The following PHF3 variants were observed in gnomAD, a reference collection of about 807,000 sequenced individuals.
PHF3 encodes the protein PHD finger protein 3.
PHF3 carries 41 observed loss-of-function variants against 178.4 expected under a neutral mutation model. The observed-to-expected ratio is 0.23, with a 90% CI of 0.18 to 0.30. PHF3 has a LOEUF of 0.30. PHF3 is among the 10% of genes least tolerant of loss of function. The probability of loss-of-function intolerance (pLI) is 1.00; values close to 1 mark genes in which losing one functional copy is unlikely to be tolerated. For synonymous variants in PHF3, 842 were observed against 800.5 expected (o/e 1.05, Z -0.88); for missense variants, 2,346 against 2,398.1 (o/e 0.98, Z 0.45).
intron 2 of PHF3, among the ~76,000 whole-genome samples, chr6:63,665,012 T>G (rs1043111447): frequency 3.3e-5 from 5 of 152,166 alleles, no homozygotes; most frequent in Non-Finnish European, 7.4e-5. Flanking sequence ...CATTAAATAA[T>G]TATTACTATA....
chr6:63,706,549 T>A (rs898537122), intron 12 of PHF3, among the ~76,000 whole-genome samples, 180 bp from the exon 13 acceptor site: 4 of 152,306 alleles, frequency 2.6e-5, no homozygotes, highest in East Asian at 3.9e-4. Flanking sequence ...AGAGGGAAGA[T>A]TTTGTAAAAC....
intron 2 of PHF3, among the ~76,000 whole-genome samples, chr6:63,663,319 T>C (rs1765546146): frequency 6.6e-6 from 1 of 152,174 alleles, no homozygotes; most frequent in Admixed American, 6.6e-5. Context: ...GGCCCTATCC[T>C]TGGTTCGCCT....
At position 63,713,245 on chromosome 6, in the gene PHF3, A is replaced by C; in HGVS notation, c.5657A>C (p.Gln1886Pro). ...TATATAGGCCCGCAGAATTTTTACC[A>C]GGTTAAAGACATTCGGAGGCCAGAA... is the stretch of plus-strand genomic sequence containing the variant. ...SRYIGPQNFY[Q>P]VKDIRRPERR... is the part of the protein sequence containing the mutation. The change falls in exon 16 of 16, where the codon CAG becomes CCG. Residue 1886 changes from glutamine to proline, a missense_variant. Coordinates refer to ENST00000262043, the MANE Select transcript of PHF3 (RefSeq NM_001370348.2). 1 of 1,614,052 alleles carries C rather than the reference A, an allele frequency of 6.2e-7. No homozygotes were observed. The highest frequency in any genetic ancestry group is 2.2e-5 in the East Asian group (1 of 44,866).
chr6:63,656,477 A>G (rs1765239850), intron 2 of PHF3, among the ~76,000 whole-genome samples: 1 of 152,088 alleles, frequency 6.6e-6, no homozygotes, highest in African/African-American at 2.4e-5. Flanking sequence ...GTGTGTTTGT[A>G]TGTGTGTTTG....
At chr6:63,680,233 T>C in intron 3 of PHF3, 72 bp downstream of exon 3, 1 of 1,236,714 alleles carries the variant, frequency 8.1e-7, no homozygotes, top group Non-Finnish European at 1.1e-6. Context: ...ATAAACCTGC[T>C]GAGCAGAAAT....
At position 63,715,576 on chromosome 6, in the gene PHF3, T is replaced by C. The variant is rs901902748; in HGVS notation, c.*1868T>C. ...GAATGAAAACAAGCTTTTAGGTCAG[T>C]TTTTGATCACCTCTTCGCTAATAGT... On this transcript the variant is annotated 3_prime_UTR_variant, in exon 16 of 16. Transcript: ENST00000262043. 1 of 152,138 alleles carries C rather than the reference T, an allele frequency of 6.6e-6. No individual in the cohort carries two copies. The highest frequency in any genetic ancestry group is 2.4e-5 in the African/African-American group (1 of 41,446). The allele number at this position is 152,138 out of a possible 1,614,324, so 9.4% of individuals were successfully genotyped here.
chr6:63,720,826 C>G lies in PHF3; in HGVS notation c.*7118C>G. The G allele has an allele frequency of 6.4e-7, 1 of 1,551,128 alleles. No homozygotes were observed. The highest frequency in any genetic ancestry group is 8.7e-7 in the Non-Finnish European group (1 of 1,146,648). ...ACAAAGTTTTTATGTGGATCAATATCCTCGGAAAGAATTAGACTGTTATTT... is the reference window on the plus strand; with the variant it reads ...ACAAAGTTTTTATGTGGATCAATATGCTCGGAAAGAATTAGACTGTTATTT... On this transcript the variant is annotated 3_prime_UTR_variant, in exon 16 of 16. Transcript: ENST00000262043.
At chr6:63,707,863 G>GTTTTTC (rs1767761456) in intron 13 of PHF3, among the ~76,000 whole-genome samples, 1 of 151,414 alleles carries the variant, frequency 6.6e-6, no homozygotes, top group African/African-American at 2.4e-5. Context: ...TTTTGTTTTT[G>GTTTTTC]TTTTTGTTTT....
At chr6:63,653,819 G>A (rs935399483) in intron 2 of PHF3, among the ~76,000 whole-genome samples, 1 of 151,994 alleles carries the variant, frequency 6.6e-6, no homozygotes, top group African/African-American at 2.4e-5. Context: ...TACCTAACTT[G>A]TTGAGAGTTT....
In PHF3 at chr6:63,720,545, T is replaced by C. The variant is rs2149623247; in HGVS notation, c.*6837T>C. 1.5e-6 allele frequency: 2 copies of C among 1,315,564 alleles called. No homozygotes were observed. Among genetic ancestry groups the C allele is most frequent in the Non-Finnish European group, 1.0e-6 (1 of 984,004 alleles). The allele number at this position is 1,315,564 out of a possible 1,614,324, so 81.5% of individuals were successfully genotyped here. Reference sequence around the variant, plus strand: ...AAGCAATGTATCAAAGAAATAACTATCAAAATAACTGCATTTATGTATAGT... The same window carrying C: ...AAGCAATGTATCAAAGAAATAACTACCAAAATAACTGCATTTATGTATAGT... On this transcript the variant is annotated 3_prime_UTR_variant, in exon 16 of 16. Transcript: ENST00000262043.
intron 1 of PHF3, among the ~76,000 whole-genome samples, chr6:63,643,114 C>T (rs573712005): frequency 3.3e-5 from 5 of 151,274 alleles, no homozygotes; most frequent in South Asian, 2.1e-4. Flanking sequence ...CTGATTTTAC[C>T]GGTTTTTTTT....
In PHF3 at chr6:63,713,260, G is replaced by A. The variant is rs1341703095; in HGVS notation, c.5672G>A (p.Arg1891Gln). ...PQNFYQVKDI[R>Q]RPERRHSDPW... Reference sequence around the variant, plus strand: ...AATTTTTACCAGGTTAAAGACATTCGGAGGCCAGAAAGGCGCCATAGTGAC... The same window carrying A: ...AATTTTTACCAGGTTAAAGACATTCAGAGGCCAGAAAGGCGCCATAGTGAC... The change falls in exon 16 of 16, where the codon CGG becomes CAG. Residue 1891 changes from arginine to glutamine, a missense_variant. Physicochemically the swap from Arg to Gln is conservative, Grantham distance 43. Coordinates refer to ENST00000262043, the MANE Select transcript of PHF3 (RefSeq NM_001370348.2). 2.5e-6 allele frequency: 4 copies of A among 1,613,856 alleles called. No individual in the cohort carries two copies. Among genetic ancestry groups the A allele is most frequent in the African/African-American group, 2.7e-5 (2 of 74,854 alleles).
At position 63,707,126 on chromosome 6, in the gene PHF3, T is replaced by C. The variant is rs939860117; in HGVS notation, c.3711+250T>C. ...TGTACTGCCTCACTGTGTCAGATAA[T>C]TCAAAATCAATGAGAGTCTACATGG... On this transcript the variant is annotated intron_variant, in intron 13 of 15. Coordinates refer to ENST00000262043, the MANE Select transcript of PHF3 (RefSeq NM_001370348.2). Among the ~76,000 whole-genome samples the C allele has an allele frequency of 1.2e-4, 19 of 152,244 alleles. 1 individual carries two copies. The highest frequency in any genetic ancestry group is 5.9e-4 in the Admixed American group (9 of 15,288).
chr6:63,637,824 T>C (rs1318254281), intron 1 of PHF3, among the ~76,000 whole-genome samples: 1 of 152,240 alleles, frequency 6.6e-6, no homozygotes, highest in African/African-American at 2.4e-5. Context: ...CTTTTTCAGA[T>C]AGCTGTACTC....
At chr6:63,682,888 A>C (rs1215123872) in intron 3 of PHF3, among the ~76,000 whole-genome samples, 1 of 152,058 alleles carries the variant, frequency 6.6e-6, no homozygotes, top group Non-Finnish European at 1.5e-5. Flanking sequence ...AAGTGTTAAA[A>C]TCCTTCATTT....
chr6:63,655,088 A>G (rs1765178114), intron 2 of PHF3, among the ~76,000 whole-genome samples: 1 of 151,222 alleles, frequency 6.6e-6, no homozygotes, highest in African/African-American at 2.4e-5. Flanking sequence ...TTTGAGACAG[A>G]GTTTCACTCT....
Position 63,685,223 on chromosome 6 carries a change from A to G in PHF3, c.1501A>G (p.Met501Val), listed in dbSNP as rs374529688. The G allele has an allele frequency of 3.1e-6, 5 of 1,613,896 alleles. No individual in the cohort carries two copies. Among genetic ancestry groups the G allele is most frequent in the South Asian group, 2.2e-5 (2 of 91,076 alleles). ...TKPVIHSKQNMTTDAPKKIVA... is the reference protein window; with the variant it reads ...TKPVIHSKQNVTTDAPKKIVA... ...ACCTGTAATTCATTCTAAGCAAAAC[A>G]TGACCACAGATGCTCCGAAGAAAAT... The change falls in exon 4 of 16, where the codon ATG becomes GTG. Residue 501 changes from methionine (M) to valine (V), a missense_variant. This residue lies in a region of PHF3 where 843 missense variants were observed against 795.2 expected (regional missense o/e 1.06). Transcript: ENST00000262043.
intron 3 of PHF3, among the ~76,000 whole-genome samples, chr6:63,682,505 T>G (rs916472454): frequency 6.6e-6 from 1 of 152,280 alleles, no homozygotes; most frequent in African/African-American, 2.4e-5. Flanking sequence ...TGTCCCGCTG[T>G]TATAGCTTCA....
intron 8 of PHF3, among the ~76,000 whole-genome samples, chr6:63,698,898 C>T (rs1243477947): frequency 6.6e-6 from 1 of 151,950 alleles, no homozygotes; most frequent in Non-Finnish European, 1.5e-5. Context: ...CATATGTATT[C>T]TTCAAAAACT....
Sources: allele counts gnomAD v4.1 joint callset (sites outside exome capture counted in the v4.1 genomes callset), GRCh38; gene constraint gnomAD v4.1.1; regional missense constraint gnomAD v4.1.1; transcripts MANE v1.5; gene names NCBI Gene and HGNC (gene_info 2026-07-23, HGNC 2026-07-21).